The following CCDC148 variants were observed in gnomAD, a reference collection of about 807,000 sequenced individuals.
CCDC148 encodes the protein coiled-coil domain containing 148, also known as coiled-coil domain-containing protein 148.
Under a neutral mutation model 85.7 loss-of-function variants are expected in CCDC148, and 89 were observed. The ratio of observed to expected loss-of-function variants is 1.04; its 90% CI spans 0.87 to 1.24. The LOEUF is 1.24. Among genes scored for constraint, CCDC148 ranks in the 50% most tolerant of loss-of-function variants. The pLI, the probability that CCDC148 is intolerant of heterozygous loss-of-function variation, is 0.00. For synonymous variants in CCDC148, 230 were observed against 213.9 expected, an observed-to-expected ratio of 1.08 and a Z score of -0.66; for missense variants, 692 against 671.7, an observed-to-expected ratio of 1.03 and a Z score of -0.33.
At chr2:158,439,848 G>A (rs1687855146) in intron 1 of CCDC148, among the ~76,000 whole-genome samples, 1 of 152,020 alleles carries the variant, frequency 6.6e-6, no homozygotes, top group South Asian at 2.1e-4. Context: ...CATTACAGCG[G>A]ATAACATTTA....
chr2:158,298,129 A>C (rs190563300), intron 9 of CCDC148, among the ~76,000 whole-genome samples: 13 of 152,274 alleles, frequency 8.5e-5, no homozygotes, highest in African/African-American at 2.6e-4. Context: ...AAACCATCAG[A>C]TCTGGTGAGA....
intron 1 of CCDC148, among the ~76,000 whole-genome samples, chr2:158,398,094 A>G (rs370120229): frequency 2.9e-4 from 44 of 152,030 alleles, no homozygotes; most frequent in African/African-American, 9.9e-4. Context: ...AAATATATAT[A>G]CACCCAATAC....
rs1344625478 is a variant in CCDC148 at position 158,171,945 on chromosome 2, T to C, written c.*168A>G. 6 of 530,070 alleles carry C rather than the reference T, an allele frequency of 1.1e-5. No individual in the cohort carries two copies. Among genetic ancestry groups the C allele is most frequent in the Non-Finnish European group, 2.0e-5 (6 of 307,026 alleles). The allele number at this position is 530,070 out of a possible 1,614,324, so 32.8% of individuals were successfully genotyped here. On this transcript the variant is annotated 3_prime_UTR_variant, in exon 14 of 14. Transcript: ENST00000283233. ...ATATAACTTAAAGATACAGGAAATA[T>C]AGTGCATAAAATTCTAAGAATCACA... is the stretch of plus-strand genomic sequence containing the variant.
intron 9 of CCDC148, among the ~76,000 whole-genome samples, chr2:158,288,384 G>C (rs952144456): frequency 3.3e-5 from 5 of 152,172 alleles, no homozygotes; most frequent in African/African-American, 1.2e-4. Context: ...TTTATGCTCT[G>C]TTTCCCTTTT....
chr2:158,293,943 T>C, intron 9 of CCDC148, among the ~76,000 whole-genome samples: 1 of 143,518 alleles, frequency 7.0e-6, no homozygotes, highest in Non-Finnish European at 1.5e-5. Flanking sequence ...CCTTCCTGCC[T>C]TCCTTCCCCT....
chr2:158,390,674 G>A (rs1368855304), intron 1 of CCDC148, among the ~76,000 whole-genome samples: 2 of 152,188 alleles, frequency 1.3e-5, no homozygotes, highest in Admixed American at 6.6e-5. Context: ...GGTCTGCAGT[G>A]AGCATGAAGC....
intron 1 of CCDC148, among the ~76,000 whole-genome samples, chr2:158,409,476 A>C (rs1686167124): frequency 6.6e-6 from 1 of 152,198 alleles, no homozygotes; most frequent in Non-Finnish European, 1.5e-5. Flanking sequence ...GCTGGATTTC[A>C]GACTTGCATG....
At chr2:158,318,258 T>C (rs1049041266) in intron 7 of CCDC148, among the ~76,000 whole-genome samples, 1 of 152,170 alleles carries the variant, frequency 6.6e-6, no homozygotes, top group African/African-American at 2.4e-5. Context: ...TGGGTATGCA[T>C]CTTCTATTCC....
intron 10 of CCDC148, among the ~76,000 whole-genome samples, chr2:158,235,041 G>A (rs1270754680): frequency 6.6e-6 from 1 of 152,098 alleles, no homozygotes; most frequent in Non-Finnish European, 1.5e-5. Context: ...CTTAATACCT[G>A]GGTGATACAA....
chr2:158,312,253 C>T (rs1460308130), intron 8 of CCDC148, among the ~76,000 whole-genome samples: 2 of 152,034 alleles, frequency 1.3e-5, no homozygotes, highest in Non-Finnish European at 2.9e-5. Context: ...TTTTATAAAG[C>T]CAAAAATATA....
chr2:158,353,041 C>T (rs1018109080), intron 2 of CCDC148, among the ~76,000 whole-genome samples: 16 of 151,470 alleles, frequency 1.1e-4, no homozygotes, highest in African/African-American at 3.9e-4. Flanking sequence ...GATTTTGTCA[C>T]CACCACGCCT....
At chr2:158,324,017 A>G (rs1045598788) in intron 7 of CCDC148, among the ~76,000 whole-genome samples, 1 of 147,356 alleles carries the variant, frequency 6.8e-6, no homozygotes, top group African/African-American at 2.5e-5. Flanking sequence ...CCCAGGCTCA[A>G]GCGATTCTTC....
chr2:158,456,287 C>T (rs1303835748), intron 1 of CCDC148, 128 bp downstream of exon 1: 2 of 935,078 alleles, frequency 2.1e-6, no homozygotes, highest in Non-Finnish European at 3.4e-6. Context: ...TTTGAGGACC[C>T]AAAACGTTGA....
intron 1 of CCDC148, among the ~76,000 whole-genome samples, chr2:158,361,007 C>A (rs531217006): frequency 3.3e-5 from 5 of 151,758 alleles, no homozygotes; most frequent in African/African-American, 1.2e-4. Flanking sequence ...AAAAACCCAG[C>A]ACAAGAACTT....
At chr2:158,210,156 G>A (rs1408394300) in intron 11 of CCDC148, among the ~76,000 whole-genome samples, 1 of 152,138 alleles carries the variant, frequency 6.6e-6, no homozygotes, top group African/African-American at 2.4e-5. Context: ...GGCAGGGGTT[G>A]CGATCCTAGT....
At chr2:158,390,932 C>A (rs1685277661) in intron 1 of CCDC148, among the ~76,000 whole-genome samples, 1 of 152,142 alleles carries the variant, frequency 6.6e-6, no homozygotes, top group African/African-American at 2.4e-5. Flanking sequence ...TTCCCCAGGT[C>A]AGAGACTGAA....
intron 9 of CCDC148, among the ~76,000 whole-genome samples, chr2:158,305,362 C>A (rs1424510515): frequency 6.6e-6 from 1 of 152,190 alleles, no homozygotes; most frequent in Non-Finnish European, 1.5e-5. Context: ...ACAGGCCCTG[C>A]CTGAGACTGA....
rs193012462 is a variant in CCDC148 at position 158,362,072 on chromosome 2, A to G, written c.26-3502T>C. Among the ~76,000 whole-genome samples the G allele has an allele frequency of 8.1e-4, 124 of 152,274 alleles. 1 individual carries two copies. The highest frequency in any genetic ancestry group is 2.9e-3 in the African/African-American group (119 of 41,544). ...AGACTTTAAAACAACAAAAATCAAAAGAGACAAGGTCATTACATAATGCTA... is the reference window on the plus strand; with the variant it reads ...AGACTTTAAAACAACAAAAATCAAAGGAGACAAGGTCATTACATAATGCTA... On this transcript the variant is annotated intron_variant, in intron 1 of 13. Coordinates refer to ENST00000283233, the MANE Select transcript of CCDC148 (RefSeq NM_138803.4).
chr2:158,296,853 C>A (rs1432445940), intron 9 of CCDC148, among the ~76,000 whole-genome samples: 1 of 152,156 alleles, frequency 6.6e-6, no homozygotes, highest in African/African-American at 2.4e-5. Flanking sequence ...TAGCTACCTG[C>A]CAAGAGCCAC....
Sources: gnomAD v4.1 joint callset for allele counts (sites outside exome capture counted in the v4.1 genomes callset) on GRCh38, gnomAD v4.1.1 for gene constraint, MANE v1.5 for transcripts, NCBI Gene and HGNC (gene_info 2026-07-23, HGNC 2026-07-21) for gene names.